Variants in ODR4 observed in about 807,000 individuals in gnomAD.
The protein encoded by ODR4 is odr-4 GPCR localization factor homolog.
Under a neutral mutation model 60.2 loss-of-function variants are expected in ODR4, and 47 were observed. The observed-to-expected ratio is 0.78, with a 90% confidence interval of 0.62 to 1.00. The LOEUF (loss-of-function observed/expected upper bound fraction) is 1.00, where lower values mean the gene tolerates loss of function less well. Ranked by LOEUF, ODR4 falls within the 50% of genes least tolerant of loss-of-function variation. The pLI is 0.00. For synonymous variants in ODR4, 178 were observed against 175.5 expected (o/e 1.01, Z -0.11); for missense variants, 488 against 530.8 (o/e 0.92, Z 0.79).
intron 12 of ODR4, among the ~76,000 whole-genome samples, chr1:186,408,977 A>C (rs546483847): frequency 6.6e-6 from 1 of 151,654 alleles, no homozygotes; most frequent in East Asian, 1.9e-4. Flanking sequence ...AGACTGTTTT[A>C]TTCAGTTCTT....
chr1:186,404,201 T>G (rs1254090760), intron 11 of ODR4, among the ~76,000 whole-genome samples: 1 of 152,246 alleles, frequency 6.6e-6, no homozygotes, highest in Non-Finnish European at 1.5e-5. Flanking sequence ...GACATGAGGA[T>G]ATTCCTAAAG....
In ODR4 at chr1:186,418,235, C is replaced by T. The variant is rs994128614; in HGVS notation, c.1297+581C>T. On this transcript the variant is annotated intron_variant, in intron 13 of 13. Coordinates refer to ENST00000287859, the MANE Select transcript of ODR4 (RefSeq NM_017847.6). ...GATAAATTTAATTAATTTTTTTGTA[C>T]ATGTGTGTGTGTCTGTCTGTCTGTC... Among the ~76,000 whole-genome samples the T allele has an allele frequency of 2.6e-4, 39 of 150,716 alleles. 1 individual carries two copies. Among genetic ancestry groups the T allele is most frequent in the African/African-American group, 8.0e-4 (33 of 41,156 alleles).
intron 9 of ODR4, among the ~76,000 whole-genome samples, chr1:186,395,663 A>G (rs1380571277): frequency 1.3e-5 from 2 of 152,168 alleles, no homozygotes; most frequent in African/African-American, 4.8e-5. Flanking sequence ...CTTCATCTAT[A>G]CATTCTTGTC....
chr1:186,430,030 G>A, the ODR4 span, among the ~76,000 whole-genome samples: 2 of 151,960 alleles, frequency 1.3e-5, no homozygotes, highest in African/African-American at 4.8e-5. Context: ...TTTTGAAAGT[G>A]TTTCAGTTTC....
chr1:186,401,980 G>T (rs1037340774), intron 11 of ODR4, among the ~76,000 whole-genome samples: 1 of 152,096 alleles, frequency 6.6e-6, no homozygotes, highest in Admixed American at 6.5e-5. Flanking sequence ...TCCAGTCTTG[G>T]AGTTTTCTTT....
intron 12 of ODR4, among the ~76,000 whole-genome samples, chr1:186,408,130 T>G (rs1217409683): frequency 6.6e-6 from 1 of 152,114 alleles, no homozygotes; most frequent in African/African-American, 2.4e-5. Flanking sequence ...GTAAATAACA[T>G]TATTAATCCT....
rs796365992 is a variant in ODR4 at position 186,389,949 on chromosome 1, G to C, written c.474+325G>C. Reference sequence around the variant, plus strand: ...ACTATAGATGTGCACCACTGCACCTGGCTAATTATTTTTGTTTTTTGTTTT... The same window carrying C: ...ACTATAGATGTGCACCACTGCACCTCGCTAATTATTTTTGTTTTTTGTTTT... On this transcript the variant is annotated intron_variant, in intron 6 of 13. Transcript: ENST00000287859. Among the ~76,000 whole-genome samples, 44 of 152,132 alleles carry C rather than the reference G, an allele frequency of 2.9e-4. 1 individual carries two copies. Among genetic ancestry groups the C allele is most frequent in the African/African-American group, 1.1e-3 (44 of 41,508 alleles).
the ODR4 span, among the ~76,000 whole-genome samples, chr1:186,432,438 G>A: frequency 6.6e-6 from 1 of 151,990 alleles, no homozygotes; most frequent in Non-Finnish European, 1.5e-5. Flanking sequence ...CTCTGAAAAA[G>A]CCTGTGTAAA....
At chr1:186,412,038 C>A (rs1247721233) in intron 12 of ODR4, 3 of 158,092 alleles carry the variant, frequency 1.9e-5, no homozygotes, top group African/African-American at 7.2e-5. Context: ...TTGAAACTTA[C>A]ATGGATCTCA....
chr1:186,405,884 G>T (rs1191609539), intron 11 of ODR4, among the ~76,000 whole-genome samples, 199 bp from the exon 12 acceptor site: 1 of 152,084 alleles, frequency 6.6e-6, no homozygotes, highest in African/African-American at 2.4e-5. Flanking sequence ...TATCATTTAG[G>T]TTCCTTGCAA....
chr1:186,379,460 A>G (rs947189085), intron 1 of ODR4, among the ~76,000 whole-genome samples: 6 of 148,056 alleles, frequency 4.1e-5, no homozygotes, highest in South Asian at 2.1e-4. Flanking sequence ...AAAAAAAAAA[A>G]AAAGAAATCT....
At chr1:186,408,561 A>G (rs975495895) in intron 12 of ODR4, among the ~76,000 whole-genome samples, 1 of 149,896 alleles carries the variant, frequency 6.7e-6, no homozygotes, top group Non-Finnish European at 1.5e-5. Context: ...TAAACATGTA[A>G]TATAAACAAT....
Position 186,398,406 on chromosome 1 carries a change from C to T in ODR4, c.874C>T (p.His292Tyr), listed in dbSNP as rs896626415. ...KGAVKCRAYI[H>Y]SSKPKVKDAV... Reference sequence around the variant, plus strand: ...TGCTGTGAAATGCAGAGCTTATATCCACAGCAGTAAACCCAAAGTTAAAGA... The same window carrying T: ...TGCTGTGAAATGCAGAGCTTATATCTACAGCAGTAAACCCAAAGTTAAAGA... The change falls in exon 10 of 14, where the codon CAC (histidine) becomes TAC (tyrosine). Residue 292 changes from histidine (H) to tyrosine (Y), a missense_variant. His to Tyr is a moderately conservative substitution (Grantham distance 83, BLOSUM62 2). Coordinates refer to ENST00000287859, the MANE Select transcript of ODR4 (RefSeq NM_017847.6). The T allele has an allele frequency of 6.2e-7, 1 of 1,608,050 alleles. No homozygotes were observed. Among genetic ancestry groups the T allele is most frequent in the African/African-American group, 1.3e-5 (1 of 74,760 alleles).
chr1:186,417,242 C>G, intron 12 of ODR4: 1 of 288,344 alleles, frequency 3.5e-6, no homozygotes, highest in Non-Finnish European at 6.5e-6. Context: ...GGATTACAGG[C>G]GTCAGCCACC....
chr1:186,398,152 C>T (rs1371173528), intron 9 of ODR4, among the ~76,000 whole-genome samples, 161 bp from the exon 10 acceptor site: 1 of 152,040 alleles, frequency 6.6e-6, no homozygotes, highest in African/African-American at 2.4e-5. Flanking sequence ...CTTATAAAAA[C>T]AAATATGAAG....
intron 8 of ODR4, 88 bp downstream of exon 8, chr1:186,391,879 A>G: frequency 1.3e-6 from 1 of 778,250 alleles, no homozygotes; most frequent in South Asian, 1.7e-5. Context: ...CCTACAAGAA[A>G]ACTGATTTCA....
At chr1:186,405,541 A>G (rs938841359) in intron 11 of ODR4, among the ~76,000 whole-genome samples, 4 of 152,082 alleles carry the variant, frequency 2.6e-5, no homozygotes, top group African/African-American at 9.7e-5. Flanking sequence ...GAAGGCAATG[A>G]TAAGTTTATT....
intron 5 of ODR4, 61 bp downstream of exon 5, chr1:186,388,609 G>T: frequency 1.1e-6 from 1 of 938,470 alleles, no homozygotes; most frequent in Non-Finnish European, 1.5e-6. Context: ...TTCTTGCAAG[G>T]TTTTTTTGCT....
intron 9 of ODR4, among the ~76,000 whole-genome samples, chr1:186,394,662 C>G (rs933692105): frequency 6.6e-6 from 1 of 152,106 alleles, no homozygotes; most frequent in Non-Finnish European, 1.5e-5. Flanking sequence ...CAATATTATA[C>G]TGGATTTTGA....
Sources: gnomAD v4.1 joint callset for allele counts (sites outside exome capture counted in the v4.1 genomes callset) on GRCh38, gnomAD v4.1.1 for gene constraint, MANE v1.5 for transcripts, NCBI Gene and HGNC (gene_info 2026-07-23, HGNC 2026-07-21) for gene names.